The following PHF6 variants were observed in gnomAD, a reference collection of about 807,000 sequenced individuals.
PHF6 encodes PHD finger protein 6.
In PHF6, 7 loss-of-function variants were observed where a neutral mutation model predicts 34.0. That is an observed-to-expected ratio of 0.21 (90% CI 0.12 to 0.39). PHF6 has a LOEUF of 0.39. Among genes scored for constraint, PHF6 ranks in the 10% least tolerant of loss-of-function variants. The pLI, the probability that PHF6 is intolerant of heterozygous loss-of-function variation, is 1.00. For synonymous variants in PHF6, 89 were observed against 88.4 expected, an observed-to-expected ratio of 1.01 and a Z score of -0.04; for missense variants, 128 against 262.8, an observed-to-expected ratio of 0.49 and a Z score of 3.55.
intron 5 of PHF6, among the ~76,000 whole-genome samples, chrX:134,398,438 A>G (rs2077386863): frequency 9.0e-6 from 1 of 111,597 alleles, no homozygotes; most frequent in African/African-American, 3.3e-5. Context: ...TGAGGTTGGG[A>G]GAAGAATACA....
At chrX:134,408,262 C>G (rs1371849130) in intron 5 of PHF6, among the ~76,000 whole-genome samples, 3 of 112,433 alleles carry the variant, frequency 2.7e-5, no homozygotes, top group Non-Finnish European at 5.6e-5. Context: ...TTGGTTATAT[C>G]TGCTTCTTCA....
At chrX:134,404,959 G>T (rs1284848580) in intron 5 of PHF6, among the ~76,000 whole-genome samples, 1 of 111,760 alleles carries the variant, frequency 8.9e-6, no homozygotes, top group Non-Finnish European at 1.9e-5. Flanking sequence ...AGATTCATGT[G>T]ATTTGCTTTA....
intron 5 of PHF6, among the ~76,000 whole-genome samples, chrX:134,410,517 C>A (rs984851126): frequency 2.7e-5 from 3 of 111,653 alleles, no homozygotes; most frequent in Non-Finnish European, 5.6e-5. Context: ...CTGATTATAT[C>A]CTTGATCTGT....
At chrX:134,400,206 G>A (rs2077397375) in intron 5 of PHF6, among the ~76,000 whole-genome samples, 1 of 110,707 alleles carries the variant, frequency 9.0e-6, no homozygotes, top group South Asian at 3.9e-4. Context: ...AGCCTCCTGA[G>A]TAGCTAGAAC....
intron 5 of PHF6, among the ~76,000 whole-genome samples, chrX:134,404,999 C>T (rs2077416944): frequency 9.0e-6 from 1 of 111,316 alleles, no homozygotes; most frequent in Non-Finnish European, 1.9e-5. Context: ...TGTGGTAGTC[C>T]GGAACCAAAC....
intron 5 of PHF6, 120 bp from the exon 6 acceptor site, chrX:134,413,371 C>A: frequency 1.4e-6 from 1 of 703,102 alleles, no homozygotes; most frequent in Non-Finnish European, 2.2e-6. Flanking sequence ...TACCACAGAC[C>A]ATTTCTCCTC....
chrX:134,394,085 A>C (rs2077366213), intron 5 of PHF6, 133 bp downstream of exon 5: 1 of 635,537 alleles, frequency 1.6e-6, no homozygotes, highest in South Asian at 2.6e-5. Context: ...AAGAATTGAG[A>C]AAAGTGTTAG....
At chrX:134,391,486 G>C (rs1344548356) in intron 3 of PHF6, among the ~76,000 whole-genome samples, 1 of 111,463 alleles carries the variant, frequency 9.0e-6, no homozygotes, top group Non-Finnish European at 1.9e-5. Flanking sequence ...CCAATTTCCA[G>C]CTGTATACAA....
chrX:134,398,608 A>ATTT (rs1387019990), intron 5 of PHF6, among the ~76,000 whole-genome samples: 3 of 111,696 alleles, frequency 2.7e-5, no homozygotes. Flanking sequence ...AAGTAGACAA[A>ATTT]TTTGAGAGAG....
At chrX:134,407,287 A>G (rs1211999365) in intron 5 of PHF6, among the ~76,000 whole-genome samples, 1 of 112,611 alleles carries the variant, frequency 8.9e-6, no homozygotes, top group African/African-American at 3.2e-5. Context: ...AAAACTTAAA[A>G]GCTCAAATGT....
intron 3 of PHF6, among the ~76,000 whole-genome samples, chrX:134,383,950 A>G: frequency 8.9e-6 from 1 of 112,568 alleles, no homozygotes; most frequent in Non-Finnish European, 1.9e-5. Flanking sequence ...TCAGACTCCT[A>G]TTAATATGTT....
At position 134,377,661 on chromosome X, in the gene PHF6, G is replaced by A. The variant is rs1302895379; in HGVS notation, c.44G>A (p.Arg15His). 7 of 1,208,187 alleles carry A rather than the reference G, an allele frequency of 5.8e-6. No homozygotes were observed. The highest frequency in any genetic ancestry group is 2.2e-5 in the Admixed American group (1 of 45,573). Residue 15 changes from arginine to histidine, a missense_variant, in exon 2 of 11, where the codon CGC (arginine) becomes CAC (histidine). By Grantham distance (29) the Arg-to-His change is conservative. Coordinates refer to ENST00000370803, the MANE Select transcript of PHF6 (RefSeq NM_001015877.2). ...VEQKKGPTRQ[R>H]KCGFCKSNRD... The stretch of plus-strand genomic sequence containing the variant: ...CAGAAAAAAGGGCCTACAAGACAGC[G>A]CAAATGTGGCTTTTGTAAGTCAAAT...
chrX:134,377,743 C>T lies in PHF6; in HGVS notation c.126C>T (p.His42=), dbSNP rs776870994. The change falls in exon 2 of 11, where the codon CAC becomes CAT. Residue 42 remains histidine, a synonymous_variant. Transcript: ENST00000370803. ...LISENQKVAA[H]HKCMLFSSAL... ...CTGAAAACCAGAAGGTGGCAGCGCA[C>T]CATAAGTGCATGGTAAGTATACCGG... 8.3e-6 allele frequency: 10 copies of T among 1,206,233 alleles called. No homozygotes were observed. Among genetic ancestry groups the T allele is most frequent in the Non-Finnish European group, 1.1e-5 (10 of 893,520 alleles).
intron 3 of PHF6, among the ~76,000 whole-genome samples, chrX:134,385,374 G>A (rs1011502634): frequency 8.9e-6 from 1 of 112,022 alleles, no homozygotes; most frequent in African/African-American, 3.2e-5. Flanking sequence ...ACATGTGCAA[G>A]CCTTTTTTCT....
intron 3 of PHF6, among the ~76,000 whole-genome samples, chrX:134,379,096 T>G (rs1602690735): frequency 8.9e-6 from 1 of 112,152 alleles, no homozygotes; most frequent in South Asian, 3.7e-4. Context: ...ACAAAGACTC[T>G]GAGATGGTAG....
At chrX:134,394,913 C>T (rs1333055357) in intron 5 of PHF6, among the ~76,000 whole-genome samples, 1 of 106,462 alleles carries the variant, frequency 9.4e-6, no homozygotes, top group African/African-American at 3.4e-5. Flanking sequence ...AGTGCAGTGG[C>T]ACAATCTCGG....
intron 3 of PHF6, among the ~76,000 whole-genome samples, chrX:134,389,640 T>G (rs1329922631): frequency 1.8e-5 from 2 of 111,605 alleles, no homozygotes; most frequent in African/African-American, 6.5e-5. Flanking sequence ...ACCTATCTGG[T>G]TTCTCAGCTT....
rs764205040 is a variant in PHF6, at chrX:134,415,027, T to C, written c.741T>C (p.Ser247=). The stretch of plus-strand genomic sequence containing the variant: ...TTTTTCTTCTCTAGTTGTTTTCTTC[T>C]GGCACAGTCCAGCTCACAACAACAT... ...AAHYKCMLFS[S]GTVQLTTTSR... is the part of the protein sequence containing the mutation. The change falls in exon 8 of 11, where the codon TCT becomes TCC. Residue 247 remains serine, a synonymous_variant. Transcript: ENST00000370803. The C allele has an allele frequency of 2.5e-6, 3 of 1,208,529 alleles. No individual in the cohort carries two copies. The highest frequency in any genetic ancestry group is 4.4e-5 in the Admixed American group (2 of 45,617).
intron 5 of PHF6, among the ~76,000 whole-genome samples, chrX:134,400,935 C>A (rs1293005087): frequency 9.0e-6 from 1 of 111,286 alleles, no homozygotes; most frequent in Non-Finnish European, 1.9e-5. Context: ...GCAGTTTGAG[C>A]AAGATAGGGA....
Sources: gnomAD v4.1 joint callset for allele counts (sites outside exome capture counted in the v4.1 genomes callset) on GRCh38, gnomAD v4.1.1 for gene constraint, MANE v1.5 for transcripts, NCBI Gene and HGNC (gene_info 2026-07-23, HGNC 2026-07-21) for gene names.